PPID: variants seen among roughly 807,000 people sequenced by gnomAD.
PPID encodes the protein peptidyl-prolyl cis-trans isomerase D.
In PPID, 47 loss-of-function variants were observed where a neutral mutation model predicts 48.1. The ratio of observed to expected loss-of-function variants is 0.98; its 90% CI spans 0.77 to 1.25. The LOEUF is 1.25. PPID is among the 50% of genes most tolerant of loss of function. The pLI, the probability that PPID is intolerant of heterozygous loss-of-function variation, is 0.00. For synonymous variants in PPID, 163 were observed against 148.8 expected (o/e 1.10, Z -0.69); for missense variants, 429 against 443.5 (o/e 0.97, Z 0.29).
intron 6 of PPID, among the ~76,000 whole-genome samples, chr4:158,714,088 C>T (rs1774831896): frequency 6.6e-6 from 1 of 152,002 alleles, no homozygotes; most frequent in Admixed American, 6.6e-5. Flanking sequence ...ATGCGGGAGG[C>T]TCTTGCAAAC....
chr4:158,723,297 G>T lies in PPID; in HGVS notation c.-9C>A. The T allele has an allele frequency of 1.2e-6, 2 of 1,612,610 alleles. No homozygotes were observed. The highest frequency in any genetic ancestry group is 1.1e-5 in the South Asian group (1 of 91,048). ...GGGGACGGGTGCGACATCTTGACTT[G>T]CAGACGTGTTTAGTACGGAATATCA... On this transcript the variant is annotated 5_prime_UTR_variant, in exon 1 of 10. Coordinates refer to ENST00000307720, the MANE Select transcript of PPID (RefSeq NM_005038.3).
Position 158,717,073 on chromosome 4 carries a change from T to C in PPID, c.461A>G (p.Lys154Arg). 6.2e-7 allele frequency: 1 copy of C among 1,614,166 alleles called. No individual in the cohort carries two copies. Among genetic ancestry groups the C allele is most frequent in the Non-Finnish European group, 8.5e-7 (1 of 1,179,996 alleles). ...CAATATCCTTGCCACTCCTATTCCTTTAATTACTTGGCCAAACACCACATG... is the reference window on the plus strand; with the variant it reads ...CAATATCCTTGCCACTCCTATTCCTCTAATTACTTGGCCAAACACCACATG... ...GKHVVFGQVI[K>R]GIGVARILEN... is the part of the protein sequence containing the mutation. Residue 154 changes from lysine to arginine, a missense_variant, in exon 4 of 10, where the codon AAA (lysine) becomes AGA (arginine). Physicochemically the swap from Lys to Arg is conservative, Grantham distance 26. Transcript: ENST00000307720.
chr4:158,715,202 C>A, intron 6 of PPID, 95 bp downstream of exon 6: 1 of 1,053,430 alleles, frequency 9.5e-7, no homozygotes, highest in Non-Finnish European at 1.3e-6. Context: ...GGTTATTCCA[C>A]AAGTAATTTG....
Position 158,715,353 on chromosome 4 carries a change from A to G in PPID, c.696T>C (p.Thr232=). ...ITEDLKNIGN[T]FFKSQNWEMA... ...TCTCCCAGTTCTGGGATTTGAAAAA[A>G]GTATTTCCAATGTTTTTTAAGTCTT... Residue 232 remains threonine (T), a synonymous_variant, in exon 6 of 10, where the codon ACT becomes ACC. Transcript: ENST00000307720. 2 of 1,543,128 alleles carry G rather than the reference A, an allele frequency of 1.3e-6. No homozygotes were observed. The highest frequency in any genetic ancestry group is 1.3e-5 in the South Asian group (1 of 77,488).
chr4:158,715,254 A>T, intron 6 of PPID, 43 bp downstream of exon 6: 1 of 1,324,060 alleles, frequency 7.6e-7, no homozygotes, highest in African/African-American at 1.5e-5. Context: ...TTTATAATTC[A>T]ATTTATAATT....
At chr4:158,719,540 T>C (rs989088749) in intron 2 of PPID, among the ~76,000 whole-genome samples, 1 of 152,212 alleles carries the variant, frequency 6.6e-6, no homozygotes, top group Non-Finnish European at 1.5e-5. Flanking sequence ...CCTATAAAAC[T>C]GTCACTGAAA....
chr4:158,710,438 ATGTAAGCTCTT>A (rs1774769608), intron 9 of PPID, 179 bp downstream of exon 9: 1 of 632,652 alleles, frequency 1.6e-6, no homozygotes, highest in Non-Finnish European at 2.8e-6. Context: ...TGGGAGTAGA[ATGTAAGCTCTT>A]TGAGGGCAGG....
chr4:158,723,387 G>T lies in PPID; in HGVS notation c.-99C>A, dbSNP rs375757683. 5.9e-5 allele frequency: 71 copies of T among 1,211,818 alleles called. 1 individual carries two copies. In the African/African-American group the frequency reaches 9.4e-4, roughly 16 times the overall value. 75.1% of individuals were successfully genotyped at this position (1,211,818 alleles called of 1,614,324 possible). ...TCCGTCTCCGCCGGAGACCGGCAGCGACGCTGACCGGCCACTTCCGACGCA... is the reference window on the plus strand; with the variant it reads ...TCCGTCTCCGCCGGAGACCGGCAGCTACGCTGACCGGCCACTTCCGACGCA... On this transcript the variant is annotated 5_prime_UTR_variant, in exon 1 of 10. Transcript: ENST00000307720.
In PPID at chr4:158,717,198, A is replaced by G; in HGVS notation, c.336T>C (p.His112=). The change falls in exon 4 of 10, where the codon CAT becomes CAC. Residue 112 remains histidine, a splice_region_variant and synonymous_variant. Transcript: ENST00000307720. ...KFEDENFHYK[H]DREGLLSMAN... ...CCATGCTCAGTAAACCCTCCCGATC[A>G]TGCTGTAGAAATAAAAATTAAAAGA... is the stretch of plus-strand genomic sequence containing the variant. 6.2e-7 allele frequency: 1 copy of G among 1,600,070 alleles called. No individual in the cohort carries two copies. The highest frequency in any genetic ancestry group is 1.4e-5 in the African/African-American group (1 of 73,804).
chr4:158,717,150 G>C lies in PPID; in HGVS notation c.384C>G (p.Asn128Lys). 6.2e-7 allele frequency: 1 copy of C among 1,614,054 alleles called. No homozygotes were observed. The highest frequency in any genetic ancestry group is 8.5e-7 in the Non-Finnish European group (1 of 1,179,992). ...CTGTTGTGATAAAAAACTGAGAACCGTTTGTGTTGCGGCCTGCATTTGCCA... is the reference window on the plus strand; with the variant it reads ...CTGTTGTGATAAAAAACTGAGAACCCTTTGTGTTGCGGCCTGCATTTGCCA... ...LSMANAGRNTNGSQFFITTVP... is the reference protein window; with the variant it reads ...LSMANAGRNTKGSQFFITTVP... The change falls in exon 4 of 10, where the codon AAC becomes AAG. Residue 128 changes from asparagine (N) to lysine (K), a missense_variant. By Grantham distance (94) the Asn-to-Lys change is moderately conservative. Coordinates refer to ENST00000307720, the MANE Select transcript of PPID (RefSeq NM_005038.3).
rs149337294 is a variant in PPID, at chr4:158,713,188, A to T, written c.825T>A (p.Cys275Ter). 1.2e-6 allele frequency: 2 copies of T among 1,613,904 alleles called. No homozygotes were observed. The highest frequency in any genetic ancestry group is 2.7e-5 in the African/African-American group (2 of 74,938). The change falls in exon 7 of 10, where the codon TGT (cysteine) becomes TGA (stop). Residue 275 changes from cysteine (C) to a stop codon, truncating the protein, a stop_gained. Coordinates refer to ENST00000307720, the MANE Select transcript of PPID (RefSeq NM_005038.3). LOFTEE classifies it high-confidence loss of function. Reference sequence around the variant, plus strand: ...GTTTACAAGCACCAATATTCAGTACACAGCTTAAAGCTATAGGTTGCAGCT... The same window carrying T: ...GTTTACAAGCACCAATATTCAGTACTCAGCTTAAAGCTATAGGTTGCAGCT... ...RAKLQPIALSCVLNIGACKLK... is the reference protein window; with the variant it reads ...RAKLQPIALS
Position 158,716,020 on chromosome 4 carries a change from G to A in PPID, c.523-336C>T, listed in dbSNP as rs557735520. On this transcript the variant is annotated intron_variant, in intron 4 of 9. Transcript: ENST00000307720. ...CAGCCTACCTCCTACAAGTAACTGAGCTTCCAACTCCCACTCACAACCCTG... is the reference window on the plus strand; with the variant it reads ...CAGCCTACCTCCTACAAGTAACTGAACTTCCAACTCCCACTCACAACCCTG... Among the ~76,000 whole-genome samples the A allele has an allele frequency of 1.8e-4, 27 of 152,230 alleles. No homozygotes were observed. The South Asian group carries it at 5.4e-3, about 30-fold the overall frequency.
chr4:158,711,151 C>T (rs1331763604), intron 7 of PPID, among the ~76,000 whole-genome samples: 2 of 152,186 alleles, frequency 1.3e-5, no homozygotes, highest in African/African-American at 2.4e-5. Flanking sequence ...CATTTGTATA[C>T]ACTTTTTACT....
At chr4:158,714,027 A>C (rs1289209567) in intron 6 of PPID, among the ~76,000 whole-genome samples, 1 of 152,048 alleles carries the variant, frequency 6.6e-6, no homozygotes, top group African/African-American at 2.4e-5. Context: ...TATAAAAGGA[A>C]AAAAAAAGAA....
intron 6 of PPID, 149 bp downstream of exon 6, chr4:158,715,148 A>G (rs1774849675): frequency 4.0e-6 from 2 of 495,558 alleles, no homozygotes; most frequent in East Asian, 8.4e-5. Flanking sequence ...TCTCAAAACA[A>G]GCTGAGGGGA....
chr4:158,715,526 A>C, intron 5 of PPID, 36 bp downstream of exon 5: 1 of 1,603,916 alleles, frequency 6.2e-7, no homozygotes, highest in Non-Finnish European at 8.5e-7. Flanking sequence ...TCACTTACTA[A>C]ATTAATTAAA....
intron 3 of PPID, 32 bp downstream of exon 3, chr4:158,719,148 A>C (rs371888273): frequency 7.2e-7 from 1 of 1,390,898 alleles, no homozygotes; most frequent in African/African-American, 1.4e-5. Context: ...CAATCTTTTT[A>C]TCAGCAATAA....
In PPID at chr4:158,723,381, G is replaced by C. The variant is rs540490102; in HGVS notation, c.-93C>G. The C allele has an allele frequency of 2.7e-4, 347 of 1,296,474 alleles. No homozygotes were observed. In the African/African-American group the frequency reaches 4.5e-3, roughly 17 times the overall value. The allele number at this position is 1,296,474 out of a possible 1,614,324, so 80.3% of individuals were successfully genotyped here. On this transcript the variant is annotated 5_prime_UTR_variant, in exon 1 of 10. Transcript: ENST00000307720. ...CCAGAGTCCGTCTCCGCCGGAGACC[G>C]GCAGCGACGCTGACCGGCCACTTCC...
rs865848748 is a variant in PPID, at chr4:158,715,703, A to G, written c.523-19T>C. The G allele has an allele frequency of 6.3e-7, 1 of 1,599,166 alleles. No individual in the cohort carries two copies. The highest frequency in any genetic ancestry group is 1.7e-4 in the Middle Eastern group (1 of 6,042). On this transcript the variant is annotated intron_variant, in intron 4 of 9. Transcript: ENST00000307720. ...CGCACAACTGTAAAAATAACCCTAAATTGTAGAAGTGCACTATCGTAATAA... is the reference window on the plus strand; with the variant it reads ...CGCACAACTGTAAAAATAACCCTAAGTTGTAGAAGTGCACTATCGTAATAA...
Sources: allele counts gnomAD v4.1 joint callset (sites outside exome capture counted in the v4.1 genomes callset), GRCh38; gene constraint gnomAD v4.1.1; transcripts MANE v1.5; gene names NCBI Gene and HGNC (gene_info 2026-07-23, HGNC 2026-07-21).